Variants in PTPRB observed in about 807,000 individuals in gnomAD.
The protein encoded by PTPRB is receptor-type tyrosine-protein phosphatase beta.
A neutral mutation model predicts 238.1 loss-of-function variants in PTPRB; 97 were observed. The ratio of observed to expected loss-of-function variants is 0.41; its 90% CI spans 0.35 to 0.48. The LOEUF (loss-of-function observed/expected upper bound fraction) is 0.48, where lower values mean the gene tolerates loss of function less well. Ranked by LOEUF, PTPRB falls within the 20% of genes least tolerant of loss-of-function variation. The pLI, the probability that PTPRB is intolerant of heterozygous loss-of-function variation, is 0.30. For synonymous variants in PTPRB, 970 were observed against 995.4 expected (o/e 0.97, Z 0.48); for missense variants, 2,292 against 2,681.9 (o/e 0.85, Z 3.21).
At chr12:70,576,684 A>AGGGGGGGGGGGGGGGGTGGGG (rs1313001377) in intron 10 of PTPRB, 39 bp from the exon 11 acceptor site, 1 of 29,864 alleles carries the variant, frequency 3.3e-5, no homozygotes, top group African/African-American at 1.8e-4. Context: ...GGGGGGGGGA[A>AGGGGGGGGGGGGGGGGTGGGG]GGGGGATTCA....
intron 3 of PTPRB, among the ~76,000 whole-genome samples, chr12:70,613,813 ATAAATATCC>A (rs1398933354): frequency 3.9e-5 from 6 of 152,300 alleles, no homozygotes; most frequent in African/African-American, 1.4e-4. Context: ...TGTTACATGA[ATAAATATCC>A]TAAACAAGTC....
rs1485851603 is a variant in PTPRB at position 70,563,098 on chromosome 12, G to A, written c.3914C>T (p.Ala1305Val). The change falls in exon 16 of 34, where the codon GCT becomes GTT. Residue 1305 changes from alanine to valine, a missense_variant. By Grantham distance (64) the Ala-to-Val change is moderately conservative. Coordinates refer to ENST00000334414, the MANE Select transcript of PTPRB (RefSeq NM_001109754.4). ...CTCTGTGATCCTCAGGTCGGTGACA[G>A]CTGCTGGGACTGGAAAAGTCGAGGA... The part of the protein sequence containing the change: ...AQTEGRTVPA[A>V]VTDLRITENS... 1.9e-6 allele frequency: 3 copies of A among 1,611,992 alleles called. No homozygotes were observed. Among genetic ancestry groups the A allele is most frequent in the East Asian group, 4.5e-5 (2 of 44,814 alleles).
At chr12:70,535,775 G>A (rs1432711506) in intron 29 of PTPRB, among the ~76,000 whole-genome samples, 2 of 152,164 alleles carry the variant, frequency 1.3e-5, no homozygotes, top group East Asian at 3.9e-4. Flanking sequence ...AATTTTTGGT[G>A]TAATGGGCAC....
chr12:70,535,273 T>C (rs1873945439), intron 29 of PTPRB, among the ~76,000 whole-genome samples: 1 of 138,998 alleles, frequency 7.2e-6, no homozygotes, highest in Non-Finnish European at 1.5e-5. Context: ...TCAGTTCCAC[T>C]AGCAGGTAAA....
intron 3 of PTPRB, chr12:70,609,807 C>T: frequency 6.3e-7 from 1 of 1,584,942 alleles, no homozygotes. Flanking sequence ...GGCTCCATGG[C>T]TCAGCATTGC....
At position 70,522,869 on chromosome 12, in the gene PTPRB, T is replaced by C. The variant is rs933809094; in HGVS notation, c.6626-1358A>G. 2.7e-5 allele frequency among the ~76,000 whole-genome samples: 4 copies of C among 146,642 alleles called. No individual in the cohort carries two copies. In the East Asian group the frequency reaches 5.9e-4, roughly 22 times the overall value. On this transcript the variant is annotated intron_variant, in intron 33 of 33. Coordinates refer to ENST00000334414, the MANE Select transcript of PTPRB (RefSeq NM_001109754.4). ...ATTCTTTTGTTTGTTTTTTCTTTTT[T>C]TTTTTTTTTTTGAGATGGACTCTTG...
At chr12:70,521,844 G>A (rs376173185) in intron 33 of PTPRB, among the ~76,000 whole-genome samples, 1 of 152,018 alleles carries the variant, frequency 6.6e-6, no homozygotes, top group Non-Finnish European at 1.5e-5. Flanking sequence ...GCTACGTGGT[G>A]GTTATCCTTT....
chr12:70,524,162 G>A (rs1254451904), intron 33 of PTPRB, among the ~76,000 whole-genome samples: 3 of 152,012 alleles, frequency 2.0e-5, no homozygotes, highest in African/African-American at 4.8e-5. Context: ...AGGCTGGAGT[G>A]CAGTGGTACG....
chr12:70,534,946 C>T lies in PTPRB; in HGVS notation c.6091G>A (p.Asp2031Asn), dbSNP rs1373140313. ...QCVEKGRVKC[D>N]HYWPADQDSL... ...TCCTGGTCCGCTGGCCAGTAATGAT[C>T]ACACTTTACCTAGAACAGGACAGAC... The change falls in exon 30 of 34, where the codon GAT becomes AAT. Residue 2031 changes from aspartate to asparagine, a missense_variant. Transcript: ENST00000334414. 1 of 1,613,466 alleles carries T rather than the reference C, an allele frequency of 6.2e-7. No homozygotes were observed. The highest frequency in any genetic ancestry group is 1.1e-5 in the South Asian group (1 of 91,012).
chr12:70,566,117 T>G (rs577787244), intron 15 of PTPRB, among the ~76,000 whole-genome samples: 1 of 152,318 alleles, frequency 6.6e-6, no homozygotes, highest in African/African-American at 2.4e-5. Context: ...AAAACCATTT[T>G]CAGATTCTAA....
rs764933660 is a variant in PTPRB, at chr12:70,539,954, T to C, written c.5663A>G (p.Asn1888Ser). Reference protein sequence around the residue: ...RRDRPLSVHLNLGQKGNRKTS... With the variant: ...RRDRPLSVHLSLGQKGNRKTS... ...TGGTGCTTACCCTTTCTGGCCCAGG[T>C]TTAAGTGGACAGATAATGGTCGATC... is the stretch of plus-strand genomic sequence containing the variant. Residue 1888 changes from asparagine to serine, a missense_variant, in exon 24 of 34, where the codon AAC becomes AGC. Asn to Ser is a conservative substitution (Grantham distance 46). This residue lies in a region of PTPRB where 397 missense variants were observed against 502.0 expected (regional missense o/e 0.79). Coordinates refer to ENST00000334414, the MANE Select transcript of PTPRB (RefSeq NM_001109754.4). 2 of 1,611,588 alleles carry C rather than the reference T, an allele frequency of 1.2e-6. No homozygotes were observed. Among genetic ancestry groups the C allele is most frequent in the Admixed American group, 3.3e-5 (2 of 60,014 alleles).
chr12:70,619,885 G>C (rs1884850387), intron 3 of PTPRB, among the ~76,000 whole-genome samples: 1 of 152,154 alleles, frequency 6.6e-6, no homozygotes, highest in East Asian at 1.9e-4. Context: ...CAAGGGACAG[G>C]CAATTTATAT....
chr12:70,635,608 AC>A lies in PTPRB; in HGVS notation c.451+62del, dbSNP rs1885646224. ...GTAAAACAAACAAACAAACAAACAA[AC>A]AAAACCCCCAAGATATTTAGTAGAA... On this transcript the variant is annotated intron_variant, in intron 2 of 33. Coordinates refer to ENST00000334414, the MANE Select transcript of PTPRB (RefSeq NM_001109754.4). 4.6e-6 allele frequency: 7 copies of A among 1,525,400 alleles called. No homozygotes were observed. In the Admixed American group the frequency reaches 1.4e-4, roughly 30 times the overall value. 94.5% of individuals were successfully genotyped at this position (1,525,400 alleles called of 1,614,324 possible).
At chr12:70,554,752 C>G (rs1484699935) in intron 20 of PTPRB, among the ~76,000 whole-genome samples, 2 of 152,000 alleles carry the variant, frequency 1.3e-5, no homozygotes, top group East Asian at 3.9e-4. Flanking sequence ...GGGGTGAAGA[C>G]AGTTGAGGCA....
Position 70,592,525 on chromosome 12 carries a change from G to C in PTPRB, c.1537C>G (p.Leu513Val), listed in dbSNP as rs1365296375. ...AAACTGCCATCATTTGTCACCTTCA[G>C]ATTTGAGACTTCCATGGGGGCTAAT... The part of the protein sequence containing the change: ...VRTAPMEVSN[L>V]KVTNDGSLTS... Residue 513 changes from leucine (L) to valine (V), a missense_variant, in exon 7 of 34, where the codon CTG becomes GTG. Around this residue, in one of 4 missense-constraint regions of PTPRB, gnomAD observed 1,205 missense variants for 1,287.8 expected, o/e 0.94. Coordinates refer to ENST00000334414, the MANE Select transcript of PTPRB (RefSeq NM_001109754.4). 6.2e-7 allele frequency: 1 copy of C among 1,613,690 alleles called. No individual in the cohort carries two copies. Among genetic ancestry groups the C allele is most frequent in the Admixed American group, 1.7e-5 (1 of 59,972 alleles).
Position 70,596,535 on chromosome 12 carries a change from C to G in PTPRB, c.980-208G>C, listed in dbSNP as rs61930327. On this transcript the variant is annotated intron_variant, in intron 4 of 33. Transcript: ENST00000334414. ...TCACTTTCTTAAAAAAAAAAAAACC[C>G]ATTTAGCTACTAGTCATATGAATTC... Among the ~76,000 whole-genome samples the G allele has an allele frequency of 5.0e-3, 764 of 151,642 alleles. 10 individuals carry two copies. The highest frequency in any genetic ancestry group is 0.018 in the African/African-American group (729 of 41,386).
In PTPRB at chr12:70,555,349, ACT is replaced by A. The variant is rs547340381; in HGVS notation, c.4994-42_4994-41del. ...GGGGAAGGAACCAAGAGGGGTCACA[ACT>A]CTGCTTTCACAGCATAAACAACAGT... is the stretch of plus-strand genomic sequence containing the variant. On this transcript the variant is annotated intron_variant, in intron 19 of 33. Transcript: ENST00000334414. 2.5e-6 allele frequency: 4 copies of A among 1,572,644 alleles called. No individual in the cohort carries two copies. In the South Asian group the frequency reaches 3.4e-5, roughly 14 times the overall value.
In PTPRB at chr12:70,546,136, C is replaced by CAAAA. The variant is rs35320376; in HGVS notation, c.5388-1477_5388-1474dup. ...TGGGTGACAAAGCAGGACTCCACCT[C>CAAAA]AAAAAAAAAAAAAAAAATGACAGAC... On this transcript the variant is annotated intron_variant, in intron 21 of 33. Coordinates refer to ENST00000334414, the MANE Select transcript of PTPRB (RefSeq NM_001109754.4). 7.8e-3 allele frequency among the ~76,000 whole-genome samples: 642 copies of CAAAA among 81,940 alleles called. 17 individuals carry two copies. Among genetic ancestry groups the CAAAA allele is most frequent in the South Asian group, 6.6e-3 (17 of 2,570 alleles). 53.8% of individuals were successfully genotyped at this position (81,940 alleles called of 152,430 possible). A position where few individuals can be genotyped will look rare whatever the true frequency, so the allele number is the denominator to read the frequency against.
intron 15 of PTPRB, 121 bp from the exon 16 acceptor site, chr12:70,563,228 T>A: frequency 9.5e-7 from 1 of 1,047,316 alleles, no homozygotes; most frequent in Non-Finnish European, 1.4e-6. Context: ...CGGGAAACAG[T>A]AACAATAGGA....
Sources: allele counts gnomAD v4.1 joint callset (sites outside exome capture counted in the v4.1 genomes callset), GRCh38; gene constraint gnomAD v4.1.1; regional missense constraint gnomAD v4.1.1; transcripts MANE v1.5; gene names NCBI Gene and HGNC (gene_info 2026-07-23, HGNC 2026-07-21).